PNISR: variants seen among roughly 807,000 people sequenced by gnomAD.
The protein encoded by PNISR is arginine/serine-rich protein PNISR.
A neutral mutation model predicts 93.4 loss-of-function variants in PNISR; 20 were observed. That is an observed-to-expected ratio of 0.21 (90% CI 0.15 to 0.31). PNISR has a LOEUF of 0.31. PNISR is among the 10% of genes least tolerant of loss of function. The probability of loss-of-function intolerance (pLI) is 1.00; values close to 1 mark genes in which losing one functional copy is unlikely to be tolerated. For synonymous variants in PNISR, 305 were observed against 306.5 expected (o/e 0.99, Z 0.05); for missense variants, 893 against 985.4 (o/e 0.91, Z 1.25).
Position 99,408,062 on chromosome 6 carries a change from T to C in PNISR, c.864+19A>G, listed in dbSNP as rs374346129. 87 of 1,547,046 alleles carry C rather than the reference T, an allele frequency of 5.6e-5. No homozygotes were observed. The highest frequency in any genetic ancestry group is 7.3e-5 in the Non-Finnish European group (83 of 1,142,822). On this transcript the variant is annotated intron_variant, in intron 7 of 11. Coordinates refer to ENST00000369239, the MANE Select transcript of PNISR (RefSeq NM_032870.4). ...ACCAAGATTTTCACATGGAGTTTCA[T>C]GTTGGGGATTCTACTTACAAATTTA... is the stretch of plus-strand genomic sequence containing the variant.
At chr6:99,408,651 G>A (rs1479759456) in intron 6 of PNISR, among the ~76,000 whole-genome samples, 2 of 152,142 alleles carry the variant, frequency 1.3e-5, no homozygotes, top group African/African-American at 4.8e-5. Flanking sequence ...ATTAAATACT[G>A]AACAATTTAG....
intron 3 of PNISR, among the ~76,000 whole-genome samples, chr6:99,413,207 AC>A (rs1486868241): frequency 4.6e-5 from 7 of 152,094 alleles, no homozygotes; most frequent in African/African-American, 1.7e-4. Context: ...GAGAGCAGCT[AC>A]CTAACTCTGT....
rs182593596 is a variant in PNISR, at chr6:99,405,116, C to T, written c.1003-414G>A. ...TATAAAATATTTTTAGACATCAGAG[C>T]AGCCATTTCAAGGAATAAAGTATCT... On this transcript the variant is annotated intron_variant, in intron 8 of 11. Coordinates refer to ENST00000369239, the MANE Select transcript of PNISR (RefSeq NM_032870.4). 1.4e-4 allele frequency among the ~76,000 whole-genome samples: 22 copies of T among 152,192 alleles called. 1 individual carries two copies. Among genetic ancestry groups the T allele is most frequent in the Admixed American group, 1.2e-3 (19 of 15,282 alleles).
chr6:99,412,592 T>C lies in PNISR; in HGVS notation c.236A>G (p.Asn79Ser). Residue 79 changes from asparagine (N) to serine (S), a missense_variant, in exon 4 of 12, where the codon AAT becomes AGT. Asn to Ser is a conservative substitution (Grantham distance 46, BLOSUM62 1). Coordinates refer to ENST00000369239, the MANE Select transcript of PNISR (RefSeq NM_032870.4). Reference protein sequence around the residue: ...TMESGPNNHGNFQGDSNFNRM... With the variant: ...TMESGPNNHGSFQGDSNFNRM... ...GTTGAAGTTTGAATCCCCTTGGAAA[T>C]TCCCATGATTGTTTGGACCAGATTC... 3 of 1,605,460 alleles carry C rather than the reference T, an allele frequency of 1.9e-6. No homozygotes were observed. Among genetic ancestry groups the C allele is most frequent in the Non-Finnish European group, 2.5e-6 (3 of 1,177,422 alleles).
intron 4 of PNISR, 120 bp downstream of exon 4, chr6:99,412,431 C>CT: frequency 1.3e-6 from 1 of 755,604 alleles, no homozygotes. Flanking sequence ...TGAAAACTGC[C>CT]TATTCTTTAA....
intron 3 of PNISR, among the ~76,000 whole-genome samples, chr6:99,414,158 C>G (rs76085952): frequency 0.025 from 3,757 of 152,324 alleles, 91 homozygotes; most frequent in Non-Finnish European, 0.034. Context: ...TCCCTATACT[C>G]TTCTACCTTT....
In PNISR at chr6:99,398,224, T is replaced by C. The variant is rs1482455819; in HGVS notation, c.*2316A>G. ...ATAGAACCTCTTAAACAAGACATTT[T>C]CATTAACCAATCCAGACCAAGGATT... On this transcript the variant is annotated 3_prime_UTR_variant, in exon 12 of 12. Coordinates refer to ENST00000369239, the MANE Select transcript of PNISR (RefSeq NM_032870.4). 5 of 152,168 alleles carry C rather than the reference T, an allele frequency of 3.3e-5. No individual in the cohort carries two copies. Among genetic ancestry groups the C allele is most frequent in the Non-Finnish European group, 7.4e-5 (5 of 67,990 alleles). The allele number at this position is 152,168 out of a possible 1,614,324, so 9.4% of individuals were successfully genotyped here. A position where few individuals can be genotyped will look rare whatever the true frequency, so the allele number is the denominator to read the frequency against.
intron 1 of PNISR, among the ~76,000 whole-genome samples, chr6:99,421,069 T>C (rs1778490199): frequency 6.6e-6 from 1 of 152,220 alleles, no homozygotes; most frequent in Non-Finnish European, 1.5e-5. Context: ...TCCAATTTAT[T>C]CACTCTTCCT....
chr6:99,422,608 T>TCGAG (rs765290591), intron 1 of PNISR, among the ~76,000 whole-genome samples: 2 of 152,188 alleles, frequency 1.3e-5, no homozygotes, highest in Non-Finnish European at 2.9e-5. Flanking sequence ...GCATGGCGGC[T>TCGAG]CATGCCTGTA....
intron 1 of PNISR, among the ~76,000 whole-genome samples, chr6:99,422,238 GTATTT>G (rs1778661685): frequency 6.6e-6 from 1 of 152,084 alleles, no homozygotes; most frequent in South Asian, 2.1e-4. Flanking sequence ...TTAAAATGTG[GTATTT>G]TAAAGTCCTT....
Position 99,416,348 on chromosome 6 carries a change from C to A in PNISR, c.-32+1G>T. 3.7e-6 allele frequency: 4 copies of A among 1,090,124 alleles called. No homozygotes were observed. Among genetic ancestry groups the A allele is most frequent in the East Asian group, 3.2e-5 (1 of 30,942 alleles). The allele number at this position is 1,090,124 out of a possible 1,614,324, so 67.5% of individuals were successfully genotyped here. ...ACACACCAACTGCTATTTAAACTGACCTCAGAGGTTCACCTTCTGTTTAAA... is the reference window on the plus strand; with the variant it reads ...ACACACCAACTGCTATTTAAACTGAACTCAGAGGTTCACCTTCTGTTTAAA... On this transcript the variant is annotated splice_donor_variant, in intron 2 of 11. Transcript: ENST00000369239. LOFTEE classifies it low-confidence loss of function (5UTR_SPLICE).
Position 99,421,016 on chromosome 6 carries a change from A to G in PNISR, c.-112+4199T>C, listed in dbSNP as rs114248042. Among the ~76,000 whole-genome samples, 1,152 of 152,372 alleles carry G rather than the reference A, an allele frequency of 7.6e-3. 22 individuals carry two copies. The highest frequency in any genetic ancestry group is 0.026 in the African/African-American group (1,066 of 41,578). On this transcript the variant is annotated intron_variant, in intron 1 of 11. Coordinates refer to ENST00000369239, the MANE Select transcript of PNISR (RefSeq NM_032870.4). ...ATTAATGTTCAACCATGAAAATGAC[A>G]TTCCAATATTGCTACTGTGATTTTA...
chr6:99,406,220 C>A, intron 7 of PNISR, 52 bp from the exon 8 acceptor site: 1 of 1,210,170 alleles, frequency 8.3e-7, no homozygotes, highest in Non-Finnish European at 1.2e-6. Context: ...AATGTAAAAT[C>A]CTTATCTTAC....
intron 1 of PNISR, among the ~76,000 whole-genome samples, chr6:99,419,783 A>G (rs4276511): frequency 0.96 from 146,136 of 152,268 alleles, 70,409 homozygotes; most frequent in East Asian, 1. Context: ...AATACAGAAA[A>G]ATATAAAATA....
At chr6:99,416,772 T>C (rs1193314302) in intron 1 of PNISR, among the ~76,000 whole-genome samples, 1 of 152,226 alleles carries the variant, frequency 6.6e-6, no homozygotes, top group Non-Finnish European at 1.5e-5. Flanking sequence ...ACTTAGATGA[T>C]ACAAGGTAAT....
At chr6:99,410,579 T>G (rs1776783377) in intron 5 of PNISR, 162 bp downstream of exon 5, 1 of 536,734 alleles carries the variant, frequency 1.9e-6, no homozygotes, top group Admixed American at 3.3e-5. Context: ...GAAAACAAAT[T>G]CTAATTATTT....
intron 1 of PNISR, among the ~76,000 whole-genome samples, chr6:99,418,147 AT>A (rs1046825731): frequency 4.0e-5 from 6 of 150,766 alleles, no homozygotes; most frequent in African/African-American, 7.3e-5. Flanking sequence ...TTATTATTAT[AT>A]TTTTTTTGAG....
intron 7 of PNISR, among the ~76,000 whole-genome samples, chr6:99,407,159 A>G (rs1224701729): frequency 6.6e-6 from 1 of 151,920 alleles, no homozygotes; most frequent in Non-Finnish European, 1.5e-5. Context: ...GTCTCTACGA[A>G]AAATACAAAA....
At chr6:99,409,152 T>G (rs1384513175) in intron 6 of PNISR, 21 bp downstream of exon 6, 43 of 1,604,150 alleles carry the variant, frequency 2.7e-5, no homozygotes, top group Non-Finnish European at 3.4e-5. Context: ...TGTGGTCCAC[T>G]AAACTAAGTT....
Sources: gnomAD v4.1 joint callset for allele counts (sites outside exome capture counted in the v4.1 genomes callset) on GRCh38, gnomAD v4.1.1 for gene constraint, MANE v1.5 for transcripts, NCBI Gene and HGNC (gene_info 2026-07-23, HGNC 2026-07-21) for gene names.